The following AP3B2 variants were observed in gnomAD, a reference collection of about 807,000 sequenced individuals.
AP3B2 encodes the protein adaptor related protein complex 3 subunit beta 2.
In AP3B2, 50 loss-of-function variants were observed where a neutral mutation model predicts 126.9. The ratio of observed to expected loss-of-function variants is 0.39; its 90% CI spans 0.31 to 0.50. The LOEUF (loss-of-function observed/expected upper bound fraction) is 0.50, where lower values mean the gene tolerates loss of function less well. Ranked by LOEUF, AP3B2 falls within the 20% of genes least tolerant of loss-of-function variation. The probability of loss-of-function intolerance (pLI) is 0.79; values close to 1 mark genes in which losing one functional copy is unlikely to be tolerated. For synonymous variants in AP3B2, 541 were observed against 565.0 expected, an observed-to-expected ratio of 0.96 and a Z score of 0.60; for missense variants, 1,177 against 1,426.4, an observed-to-expected ratio of 0.83 and a Z score of 2.82.
chr15:82,676,642 G>A lies in AP3B2; in HGVS notation c.1489-5C>T, dbSNP rs2048246558. The A allele has an allele frequency of 6.2e-7, 1 of 1,613,072 alleles. No individual in the cohort carries two copies. ...GCTGGCTCGGGCCATGGGCACCTGT[G>A]GTTGTGGGAGAGGAGTGAAGATGGG... is the stretch of plus-strand genomic sequence containing the variant. On this transcript the variant is annotated splice_polypyrimidine_tract_variant and splice_region_variant and intron_variant, in intron 13 of 26. Transcript: ENST00000535359.
At chr15:82,662,307 G>A in intron 23 of AP3B2, 55 bp from the exon 24 acceptor site, 1 of 1,350,756 alleles carries the variant, frequency 7.4e-7, no homozygotes, top group Non-Finnish European at 1.0e-6. Context: ...CACCTGATAG[G>A]TCTAGAACCC....
intron 14 of AP3B2, among the ~76,000 whole-genome samples, chr15:82,667,766 A>C (rs996294177): frequency 5.3e-5 from 8 of 152,188 alleles, no homozygotes; most frequent in Admixed American, 4.6e-4. Context: ...TACAGAAAAG[A>C]AGCAGGATCA....
chr15:82,672,943 G>T (rs1249801246), intron 14 of AP3B2, among the ~76,000 whole-genome samples: 1 of 152,302 alleles, frequency 6.6e-6, no homozygotes, highest in East Asian at 1.9e-4. Flanking sequence ...TCCTACAACT[G>T]CAAGGAAGTG....
At chr15:82,704,476 C>T (rs2048766442) in intron 1 of AP3B2, among the ~76,000 whole-genome samples, 2 of 152,224 alleles carry the variant, frequency 1.3e-5, no homozygotes, top group African/African-American at 4.8e-5. Context: ...AATGCCTAAG[C>T]TGCAGCAGTC....
At position 82,663,221 on chromosome 15, in the gene AP3B2, C is replaced by T. The variant is rs968788316; in HGVS notation, c.2510G>A (p.Ser837Asn). Reference protein sequence around the residue: ...LLDLEDFTPPSVQPVSPPAIV... With the variant: ...LLDLEDFTPPNVQPVSPPAIV... ...TGCTGGGGGAGACACAGGCTGGACA[C>T]TGGGAGGGGTGACTGTGGGAGTAGA... is the stretch of plus-strand genomic sequence containing the variant. The change falls in exon 22 of 27, where the codon AGT becomes AAT. Residue 837 changes from serine to asparagine, a missense_variant. Coordinates refer to ENST00000535359, the MANE Select transcript of AP3B2 (RefSeq NM_001278512.2). 2.5e-6 allele frequency: 4 copies of T among 1,612,702 alleles called. No homozygotes were observed. In the Admixed American group the frequency reaches 5.0e-5, roughly 20 times the overall value.
chr15:82,674,227 G>A (rs2048206250), intron 14 of AP3B2, among the ~76,000 whole-genome samples: 1 of 152,186 alleles, frequency 6.6e-6, no homozygotes, highest in Non-Finnish European at 1.5e-5. Context: ...GTCCCAGGAT[G>A]GGAAGCATCA....
intron 1 of AP3B2, among the ~76,000 whole-genome samples, chr15:82,690,227 T>G (rs188335860): frequency 8.5e-5 from 13 of 152,156 alleles, no homozygotes; most frequent in Admixed American, 8.5e-4. Flanking sequence ...ACCCAATTGT[T>G]GTACTTTTTT....
chr15:82,663,524 C>T, intron 21 of AP3B2, 36 bp downstream of exon 21: 1 of 1,607,228 alleles, frequency 6.2e-7, no homozygotes, highest in Non-Finnish European at 8.5e-7. Context: ...CTCCCCAGGC[C>T]TCCTTTCCCC....
intron 20 of AP3B2, 90 bp downstream of exon 20, chr15:82,663,711 T>C: frequency 1.2e-6 from 2 of 1,604,246 alleles, no homozygotes; most frequent in Non-Finnish European, 1.7e-6. Flanking sequence ...CTGTTCTGGA[T>C]GGTAGGGAGA....
chr15:82,682,513 A>C (rs540902909), intron 4 of AP3B2, among the ~76,000 whole-genome samples: 7 of 152,292 alleles, frequency 4.6e-5, no homozygotes, highest in African/African-American at 1.7e-4. Context: ...GTTTGATTCT[A>C]GACCTCAACA....
intron 1 of AP3B2, among the ~76,000 whole-genome samples, chr15:82,705,152 C>T (rs575874904): frequency 6.6e-6 from 1 of 152,170 alleles, no homozygotes; most frequent in African/African-American, 2.4e-5. Context: ...GTATAGGACA[C>T]CTCTATTCCC....
intron 4 of AP3B2, among the ~76,000 whole-genome samples, chr15:82,683,027 T>G (rs1350787376): frequency 6.8e-6 from 1 of 147,494 alleles, no homozygotes; most frequent in Non-Finnish European, 1.5e-5. Context: ...TCAACAATGT[T>G]CACAGCATCT....
In AP3B2 at chr15:82,676,481, A is replaced by G. The variant is rs1332609214; in HGVS notation, c.1645T>C (p.Tyr549His). 3 of 1,613,904 alleles carry G rather than the reference A, an allele frequency of 1.9e-6. No homozygotes were observed. The highest frequency in any genetic ancestry group is 2.5e-6 in the Non-Finnish European group (3 of 1,179,890). The part of the protein sequence containing the change: ...LQVINLAAKL[Y>H]LTNSKQTKLL... ...TTTACCTGTTTAGAGTTGGTCAGGT[A>G]GAGCTTGGCTGCCAGGTTGATGACC... Residue 549 changes from tyrosine (Y) to histidine (H), a missense_variant, in exon 14 of 27, where the codon TAC becomes CAC. Tyr to His is a moderately conservative substitution (Grantham distance 83, BLOSUM62 2). Around this residue, in one of 5 missense-constraint regions of AP3B2, gnomAD observed 308 missense variants for 452.4 expected, o/e 0.68. Transcript: ENST00000535359.
intron 1 of AP3B2, chr15:82,691,602 T>TAA: frequency 1.2e-6 from 1 of 819,296 alleles, no homozygotes; most frequent in South Asian, 5.2e-5. Flanking sequence ...TTTTTCTTCT[T>TAA]TAAAAAAAAA....
rs2048020302 is a variant in AP3B2, at chr15:82,664,688, TG to T, written c.2137+146del. 97 of 899,284 alleles carry T rather than the reference TG, an allele frequency of 1.1e-4. No individual in the cohort carries two copies. In the South Asian group the frequency reaches 1.6e-3, roughly 15 times the overall value. The allele number at this position is 899,284 out of a possible 1,614,324, so 55.7% of individuals were successfully genotyped here. On this transcript the variant is annotated intron_variant, in intron 18 of 26. Transcript: ENST00000535359. The surrounding 1 kb of genome is among the most constrained non-coding windows in gnomAD (Gnocchi z 4.5). The stretch of plus-strand genomic sequence containing the variant: ...AGAAACCTGCACAAGCACACACACC[TG>T]GAACATGAATCCCTCAGGTGCACAA...
chr15:82,680,952 T>C lies in AP3B2; in HGVS notation c.656A>G (p.Lys219Arg). 6.2e-7 allele frequency: 1 copy of C among 1,613,924 alleles called. No homozygotes were observed. The highest frequency in any genetic ancestry group is 8.5e-7 in the Non-Finnish European group (1 of 1,179,874). ...VCPERIDLIH[K>R]NYRKLCNLLI... ...CAGGTTACAGAGTTTCCGGTAGTTT[T>C]TGTGAATCAGGTCGATGCGCTCCGG... The change falls in exon 7 of 27, where the codon AAA becomes AGA. Residue 219 changes from lysine (K) to arginine (R), a missense_variant. This residue lies in a region of AP3B2 where 130 missense variants were observed against 262.0 expected (regional missense o/e 0.50). Transcript: ENST00000535359. The surrounding 1 kb of genome is among the most constrained non-coding windows in gnomAD (Gnocchi z 6.1).
At chr15:82,666,222 C>T (rs1047149021) in intron 15 of AP3B2, among the ~76,000 whole-genome samples, 3 of 152,226 alleles carry the variant, frequency 2.0e-5, no homozygotes, top group African/African-American at 7.2e-5. Flanking sequence ...CCAGGCCCAT[C>T]TCAAGGCCGT....
In AP3B2 at chr15:82,681,632, G is replaced by A; in HGVS notation, c.361-52C>T. ...ATGAAAGGGCACCAGGTGCCCTGATGGGGGGAGGCCACACCTTTGGAAGTC... is the reference window on the plus strand; with the variant it reads ...ATGAAAGGGCACCAGGTGCCCTGATAGGGGGAGGCCACACCTTTGGAAGTC... On this transcript the variant is annotated intron_variant, in intron 4 of 26. Transcript: ENST00000535359. The surrounding 1 kb of genome is among the most constrained non-coding windows in gnomAD (Gnocchi z 4.0). The A allele has an allele frequency of 6.3e-7, 1 of 1,576,628 alleles. No homozygotes were observed. Among genetic ancestry groups the A allele is most frequent in the Non-Finnish European group, 8.6e-7 (1 of 1,159,874 alleles).
At position 82,671,599 on chromosome 15, in the gene AP3B2, G is replaced by A. The variant is rs186166723; in HGVS notation, c.1666-4666C>T. Among the ~76,000 whole-genome samples the A allele has an allele frequency of 9.2e-5, 14 of 151,718 alleles. No individual in the cohort carries two copies. In the East Asian group the frequency reaches 2.5e-3, roughly 27 times the overall value. On this transcript the variant is annotated intron_variant, in intron 14 of 26. Coordinates refer to ENST00000535359, the MANE Select transcript of AP3B2 (RefSeq NM_001278512.2). ...TAAAAATACAAAAAATTAGCTAGGC[G>A]TGGTGGCAGGCACCTGTAATCTCAG...
Sources: allele counts gnomAD v4.1 joint callset (sites outside exome capture counted in the v4.1 genomes callset), GRCh38; gene constraint gnomAD v4.1.1; regional missense constraint gnomAD v4.1.1; non-coding constraint Gnocchi (gnomAD v3.1); transcripts MANE v1.5; gene names NCBI Gene and HGNC (gene_info 2026-07-23, HGNC 2026-07-21).